The following EYA2 variants were observed in gnomAD, a reference collection of about 807,000 sequenced individuals.
EYA2 encodes the protein protein phosphatase EYA2.
In EYA2, 31 loss-of-function variants were observed where a neutral mutation model predicts 69.2. The ratio of observed to expected loss-of-function variants is 0.45; its 90% CI spans 0.34 to 0.60. EYA2 has a LOEUF of 0.60. EYA2 is among the 20% of genes least tolerant of loss of function. EYA2 has a pLI of 0.02. For synonymous variants in EYA2, 257 were observed against 279.4 expected (o/e 0.92, Z 0.80); for missense variants, 622 against 701.2 (o/e 0.89, Z 1.28).
intron 5 of EYA2, 73 bp downstream of exon 5, chr20:47,016,370 C>A: frequency 8.6e-7 from 1 of 1,158,558 alleles, no homozygotes; most frequent in East Asian, 2.3e-5. Flanking sequence ...TTCATTCATT[C>A]ATTCAGCAGA....
chr20:47,160,118 T>A (rs1419041848), intron 10 of EYA2, among the ~76,000 whole-genome samples: 1 of 152,112 alleles, frequency 6.6e-6, no homozygotes, highest in Non-Finnish European at 1.5e-5. Context: ...GTGATCTGAC[T>A]TAGGGTTGAA....
At chr20:47,131,822 A>T (rs1367884073) in intron 9 of EYA2, among the ~76,000 whole-genome samples, 2 of 152,234 alleles carry the variant, frequency 1.3e-5, no homozygotes. Flanking sequence ...AAAGCCACTA[A>T]GTTTGTGCTA....
At chr20:47,065,020 G>A (rs184181209) in intron 5 of EYA2, among the ~76,000 whole-genome samples, 34 of 152,324 alleles carry the variant, frequency 2.2e-4, no homozygotes, top group Admixed American at 1.0e-3. Flanking sequence ...GCAAAGTCAC[G>A]TCTTACATGG....
At chr20:46,966,234 G>A (rs1462724958) in intron 1 of EYA2, among the ~76,000 whole-genome samples, 2 of 152,094 alleles carry the variant, frequency 1.3e-5, no homozygotes, top group Non-Finnish European at 2.9e-5. Flanking sequence ...TGATCCTGCC[G>A]CCTCCGCATC....
chr20:47,149,629 G>A (rs1013901425), intron 10 of EYA2, among the ~76,000 whole-genome samples: 4 of 150,758 alleles, frequency 2.7e-5, no homozygotes, highest in African/African-American at 4.9e-5. Context: ...GATCATTTGC[G>A]GTCAGGAGTT....
intron 9 of EYA2, among the ~76,000 whole-genome samples, chr20:47,107,095 A>G (rs1177088142): frequency 6.6e-6 from 1 of 152,162 alleles, no homozygotes; most frequent in Non-Finnish European, 1.5e-5. Flanking sequence ...ACAAATATTT[A>G]TCAAGTGCCT....
chr20:47,169,299 G>A (rs2034270183), intron 11 of EYA2, 102 bp downstream of exon 11: 2 of 1,146,446 alleles, frequency 1.7e-6, no homozygotes, highest in Non-Finnish European at 2.6e-6. Flanking sequence ...TGCTTATAAG[G>A]ACAAGGAGTG....
intron 5 of EYA2, among the ~76,000 whole-genome samples, chr20:47,067,474 A>G (rs867412207): frequency 3.9e-5 from 6 of 152,148 alleles, no homozygotes; most frequent in Non-Finnish European, 7.4e-5. Flanking sequence ...CACAAAGGAT[A>G]AATGCTTGAG....
chr20:47,161,267 GC>G, intron 10 of EYA2: 3 of 536,348 alleles, frequency 5.6e-6, no homozygotes, highest in Non-Finnish European at 7.0e-6. Flanking sequence ...CAGGATGATG[GC>G]CCCGCGGATG....
intron 1 of EYA2, among the ~76,000 whole-genome samples, chr20:46,984,530 G>A (rs1304509452): frequency 6.6e-6 from 1 of 152,150 alleles, no homozygotes; most frequent in Non-Finnish European, 1.5e-5. Flanking sequence ...AAATAACTAT[G>A]AGTTATTGCT....
intron 5 of EYA2, among the ~76,000 whole-genome samples, chr20:47,040,134 C>T (rs1405733721): frequency 6.6e-6 from 1 of 152,166 alleles, no homozygotes; most frequent in African/African-American, 2.4e-5. Context: ...AGCCACCGCA[C>T]CTGGCAAAGA....
At chr20:47,122,632 G>A (rs889915247) in intron 9 of EYA2, among the ~76,000 whole-genome samples, 4 of 151,980 alleles carry the variant, frequency 2.6e-5, no homozygotes, top group Non-Finnish European at 5.9e-5. Flanking sequence ...GCTCCTTGAG[G>A]CAAGGGACTT....
At chr20:47,165,629 C>T (rs1247160768) in intron 10 of EYA2, among the ~76,000 whole-genome samples, 2 of 152,188 alleles carry the variant, frequency 1.3e-5, no homozygotes, top group African/African-American at 2.4e-5. Context: ...GAGGCGAGAA[C>T]GGCAGTTGCA....
chr20:47,098,870 G>A (rs534657337), intron 9 of EYA2, among the ~76,000 whole-genome samples: 1 of 152,220 alleles, frequency 6.6e-6, no homozygotes, highest in Admixed American at 6.5e-5. Context: ...CTCTTCATGA[G>A]TAGCCTCCTG....
chr20:47,074,054 A>C, intron 6 of EYA2, 104 bp from the exon 7 acceptor site: 6 of 1,106,882 alleles, frequency 5.4e-6, no homozygotes, highest in Non-Finnish European at 7.4e-6. Context: ...CTGCCCACAG[A>C]GAGCTTTTAT....
At chr20:46,938,016 T>C (rs1186411222) in intron 1 of EYA2, among the ~76,000 whole-genome samples, 2 of 152,162 alleles carry the variant, frequency 1.3e-5, no homozygotes, top group Admixed American at 6.6e-5. Context: ...TTATCCCCAT[T>C]GCACAGACGC....
At chr20:47,075,531 G>C (rs1218958690) in intron 7 of EYA2, among the ~76,000 whole-genome samples, 1 of 152,082 alleles carries the variant, frequency 6.6e-6, no homozygotes, top group Admixed American at 6.5e-5. Flanking sequence ...TGTGTACACA[G>C]CCTGGCTGTG....
chr20:47,108,086 G>A (rs1263681626), intron 9 of EYA2, among the ~76,000 whole-genome samples: 1 of 152,214 alleles, frequency 6.6e-6, no homozygotes, highest in Non-Finnish European at 1.5e-5. Flanking sequence ...GTTGGAGCTG[G>A]TAGAGATTTG....
chr20:47,026,746 A>T (rs182393454), intron 5 of EYA2, among the ~76,000 whole-genome samples: 1 of 152,280 alleles, frequency 6.6e-6, no homozygotes, highest in Admixed American at 6.5e-5. Context: ...ACTGTAGCAA[A>T]TTAGAGACTA....
Sources: allele counts gnomAD v4.1 joint callset (sites outside exome capture counted in the v4.1 genomes callset), GRCh38; gene constraint gnomAD v4.1.1; transcripts MANE v1.5; gene names NCBI Gene and HGNC (gene_info 2026-07-23, HGNC 2026-07-21).